The following FAM107B variants were observed in gnomAD, a reference collection of about 807,000 sequenced individuals.
The protein encoded by FAM107B is family with sequence similarity 107 member B, also known as protein FAM107B.
Under a neutral mutation model 31.5 loss-of-function variants are expected in FAM107B, and 21 were observed. That is an observed-to-expected ratio of 0.67 (90% CI 0.47 to 0.96). FAM107B has a LOEUF of 0.96. Among genes scored for constraint, FAM107B ranks in the 40% least tolerant of loss-of-function variants. The pLI is 0.00. For synonymous variants in FAM107B, 157 were observed against 141.5 expected (o/e 1.11, Z -0.78); for missense variants, 452 against 377.1 (o/e 1.20, Z -1.64).
intron 1 of FAM107B, among the ~76,000 whole-genome samples, chr10:14,764,310 C>G (rs60126865): frequency 0.12 from 17,550 of 152,174 alleles, 2,495 homozygotes; most frequent in African/African-American, 0.33. Flanking sequence ...GGACTGTGCA[C>G]GTAACTCATT....
intron 2 of FAM107B, chr10:14,556,498 G>T: frequency 2.4e-6 from 2 of 822,000 alleles, no homozygotes; most frequent in Non-Finnish European, 2.9e-6. Context: ...CCTAACGAGA[G>T]CTCAGCTCTG....
intron 1 of FAM107B, among the ~76,000 whole-genome samples, chr10:14,753,466 T>C (rs183528870): frequency 7.9e-4 from 120 of 152,350 alleles, no homozygotes; most frequent in Middle Eastern, 6.8e-3. Flanking sequence ...AACTTGCTGA[T>C]GCTCAAGTGA....
chr10:14,750,709 G>T (rs963749959), intron 1 of FAM107B, among the ~76,000 whole-genome samples: 11 of 152,222 alleles, frequency 7.2e-5, no homozygotes, highest in African/African-American at 1.9e-4. Context: ...CACTCTGGGA[G>T]GCTGAGATGG....
At chr10:14,750,907 A>T (rs1832814414) in intron 1 of FAM107B, among the ~76,000 whole-genome samples, 2 of 152,288 alleles carry the variant, frequency 1.3e-5, no homozygotes, top group African/African-American at 4.8e-5. Context: ...GCATGGGCAG[A>T]TGCTGGACAC....
chr10:14,650,627 G>A (rs369999534), intron 2 of FAM107B, among the ~76,000 whole-genome samples: 63 of 152,316 alleles, frequency 4.1e-4, no homozygotes, highest in African/African-American at 1.4e-3. Context: ...TATTGCTTAC[G>A]TATTGTGCTA....
intron 2 of FAM107B, among the ~76,000 whole-genome samples, chr10:14,570,193 G>C (rs1346841519): frequency 6.6e-6 from 1 of 151,534 alleles, no homozygotes; most frequent in Admixed American, 6.6e-5. Context: ...TTTCTGAAAT[G>C]AAACGACATT....
chr10:14,744,446 C>G (rs1832685372), intron 1 of FAM107B, among the ~76,000 whole-genome samples: 1 of 152,138 alleles, frequency 6.6e-6, no homozygotes, highest in Non-Finnish European at 1.5e-5. Flanking sequence ...TGGAATGCTT[C>G]CAGCTTTTGC....
chr10:14,688,701 G>A (rs987030182), intron 1 of FAM107B, among the ~76,000 whole-genome samples: 5 of 152,154 alleles, frequency 3.3e-5, no homozygotes, highest in South Asian at 2.1e-4. Context: ...GGTGCTCAAC[G>A]TTTCTTTACA....
intron 1 of FAM107B, among the ~76,000 whole-genome samples, chr10:14,673,110 A>C (rs1854599536): frequency 6.6e-6 from 1 of 152,232 alleles, no homozygotes; most frequent in Non-Finnish European, 1.5e-5. Context: ...CCGTCACCTC[A>C]AACATCCATC....
At chr10:14,530,932 G>C (rs1846915194) in intron 2 of FAM107B, among the ~76,000 whole-genome samples, 1 of 152,240 alleles carries the variant, frequency 6.6e-6, no homozygotes, top group African/African-American at 2.4e-5. Flanking sequence ...TGTCAGGAAA[G>C]AGGGGCCTAT....
intron 2 of FAM107B, among the ~76,000 whole-genome samples, chr10:14,587,211 T>G (rs922462472): frequency 1.3e-5 from 2 of 152,140 alleles, no homozygotes; most frequent in African/African-American, 4.8e-5. Flanking sequence ...TAGCAAAAAG[T>G]TCATCGTCCT....
intron 2 of FAM107B, among the ~76,000 whole-genome samples, chr10:14,586,500 T>A (rs2131324906): frequency 6.6e-6 from 1 of 152,170 alleles, no homozygotes; most frequent in Non-Finnish European, 1.5e-5. Context: ...GGGAAGTAAT[T>A]AAGTCATAGA....
chr10:14,721,786 T>G (rs1855918310), intron 1 of FAM107B, among the ~76,000 whole-genome samples: 1 of 152,218 alleles, frequency 6.6e-6, no homozygotes, highest in African/African-American at 2.4e-5. Context: ...TTTCTCCCAT[T>G]CTGTAGGTTG....
chr10:14,583,755 A>C (rs2131315667), intron 2 of FAM107B, among the ~76,000 whole-genome samples: 1 of 152,242 alleles, frequency 6.6e-6, no homozygotes. Flanking sequence ...GGAAAAAGGA[A>C]AAGAAACCAC....
At chr10:14,657,237 C>G (rs1184337645) in intron 2 of FAM107B, among the ~76,000 whole-genome samples, 1 of 152,248 alleles carries the variant, frequency 6.6e-6, no homozygotes, top group East Asian at 1.9e-4. Context: ...AAAGCACAGA[C>G]TGCTCTCCAA....
intron 1 of FAM107B, among the ~76,000 whole-genome samples, chr10:14,752,931 C>A (rs1412672183): frequency 2.7e-4 from 38 of 142,808 alleles, no homozygotes; most frequent in Middle Eastern, 3.5e-3. Context: ...GACCCTGTCT[C>A]AAAAAAAAAA....
intron 2 of FAM107B, among the ~76,000 whole-genome samples, chr10:14,625,867 T>TAAAAAAAAAAAA (rs1853147397): frequency 4.6e-4 from 1 of 2,170 alleles, no homozygotes; most frequent in Non-Finnish European, 2.5e-3. Context: ...TGCTCATGGA[T>TAAAAAAAAAAAA]TAAAAAAAAA....
chr10:14,667,975 C>T (rs892307864), intron 1 of FAM107B, among the ~76,000 whole-genome samples: 1 of 152,006 alleles, frequency 6.6e-6, no homozygotes, highest in African/African-American at 2.4e-5. Flanking sequence ...CCCAGGGGCC[C>T]CCTGTGACTA....
At chr10:14,578,478 A>G (rs1228066880) in intron 2 of FAM107B, among the ~76,000 whole-genome samples, 1 of 152,240 alleles carries the variant, frequency 6.6e-6, no homozygotes, top group Admixed American at 6.5e-5. Flanking sequence ...CTACTGGCTT[A>G]TAAATATGAC....
Sources: gnomAD v4.1 joint callset for allele counts (sites outside exome capture counted in the v4.1 genomes callset) on GRCh38, gnomAD v4.1.1 for gene constraint, MANE v1.5 for transcripts, NCBI Gene and HGNC (gene_info 2026-07-23, HGNC 2026-07-21) for gene names.